TMEM132C: variants seen among roughly 807,000 people sequenced by gnomAD.
TMEM132C encodes the protein transmembrane protein 132C.
Under a neutral mutation model 61.4 loss-of-function variants are expected in TMEM132C, and 29 were observed. That is an observed-to-expected ratio of 0.47 (90% CI 0.35 to 0.64). TMEM132C has a LOEUF of 0.64. Among genes scored for constraint, TMEM132C ranks in the 30% least tolerant of loss-of-function variants. TMEM132C has a pLI of 0.00. For missense variants in TMEM132C, 1,408 were observed against 1,476.9 expected (o/e 0.95, Z 0.76); for synonymous variants, 656 against 633.1 (o/e 1.04, Z -0.54).
intron 3 of TMEM132C, among the ~76,000 whole-genome samples, chr12:128,580,093 G>A (rs1310166749): frequency 6.6e-6 from 1 of 152,112 alleles, no homozygotes; most frequent in South Asian, 2.1e-4. Context: ...GTCAGACAAC[G>A]TAATCTCTCC....
chr12:128,276,696 T>G (rs1592993959), intron 1 of TMEM132C, among the ~76,000 whole-genome samples: 1 of 152,208 alleles, frequency 6.6e-6, no homozygotes. Flanking sequence ...TTATGTTTAC[T>G]TTTGCTGTGT....
At chr12:128,448,920 G>A (rs1438878108) in intron 2 of TMEM132C, among the ~76,000 whole-genome samples, 2 of 151,936 alleles carry the variant, frequency 1.3e-5, no homozygotes, top group East Asian at 3.9e-4. Context: ...GGCGGATCAC[G>A]AGGTCAGGAG....
intron 1 of TMEM132C, among the ~76,000 whole-genome samples, chr12:128,410,433 T>G (rs758691915): frequency 6.6e-6 from 1 of 152,158 alleles, no homozygotes; most frequent in Non-Finnish European, 1.5e-5. Flanking sequence ...AGACAGAGTC[T>G]CACTCTGTCT....
rs143659755 is a variant in TMEM132C, at chr12:128,353,606, G to C, written c.86-61126G>C. Among the ~76,000 whole-genome samples, 105 of 152,266 alleles carry C rather than the reference G, an allele frequency of 6.9e-4. 2 individuals are homozygous for C. Among genetic ancestry groups the C allele is most frequent in the African/African-American group, 2.5e-3 (103 of 41,540 alleles). On this transcript the variant is annotated intron_variant, in intron 1 of 8. Transcript: ENST00000435159. Reference sequence around the variant, plus strand: ...CCTCCCCTCCTGCAGCTTTTTATTGGGGTGTTGCTTCCTCTGAATGGTGTC... The same window carrying C: ...CCTCCCCTCCTGCAGCTTTTTATTGCGGTGTTGCTTCCTCTGAATGGTGTC...
chr12:128,449,100 G>A (rs1198388066), intron 2 of TMEM132C, among the ~76,000 whole-genome samples: 4 of 127,708 alleles, frequency 3.1e-5, no homozygotes, highest in African/African-American at 1.2e-4. Context: ...TCACGCCACT[G>A]TACTCCAGCC....
chr12:128,336,664 A>G (rs1872798783), intron 1 of TMEM132C, among the ~76,000 whole-genome samples: 1 of 152,216 alleles, frequency 6.6e-6, no homozygotes, highest in Non-Finnish European at 1.5e-5. Context: ...TTGGTTAGCC[A>G]TCTGTCTGTC....
intron 5 of TMEM132C, among the ~76,000 whole-genome samples, chr12:128,679,365 C>T (rs1039370863): frequency 2.0e-5 from 3 of 152,224 alleles, no homozygotes; most frequent in African/African-American, 4.8e-5. Context: ...ACAGCAAGCA[C>T]TGGTTTCTCC....
intron 4 of TMEM132C, among the ~76,000 whole-genome samples, chr12:128,658,176 CCACAAGGCAGGAGCAGGGACGCAG>C (rs2135618162): frequency 7.9e-6 from 1 of 126,842 alleles, no homozygotes; most frequent in African/African-American, 3.0e-5. Flanking sequence ...CCCATGGAGG[CCACAAGGCAGGAGCAGGGACGCAG>C]CTCCCATGGA....
chr12:128,267,606 TC>T, intron 1 of TMEM132C, 119 bp downstream of exon 1: 1 of 820,184 alleles, frequency 1.2e-6, no homozygotes, highest in Non-Finnish European at 1.6e-6. Flanking sequence ...GGGGCTCGGA[TC>T]CCATCAACAG....
intron 2 of TMEM132C, among the ~76,000 whole-genome samples, chr12:128,501,644 A>T (rs1013342720): frequency 1.3e-5 from 2 of 152,202 alleles, no homozygotes; most frequent in Non-Finnish European, 2.9e-5. Flanking sequence ...TGGCTTCAAT[A>T]CTTGGAGTTG....
intron 5 of TMEM132C, among the ~76,000 whole-genome samples, chr12:128,692,325 C>A (rs923695432): frequency 6.6e-6 from 1 of 152,230 alleles, no homozygotes; most frequent in Admixed American, 6.5e-5. Flanking sequence ...CACTGAGCTC[C>A]TGCTTCATAA....
intron 1 of TMEM132C, among the ~76,000 whole-genome samples, chr12:128,293,569 G>T (rs1216497226): frequency 6.6e-6 from 1 of 151,980 alleles, no homozygotes; most frequent in Non-Finnish European, 1.5e-5. Context: ...ATTTTATTTT[G>T]CTGGGGGATA....
chr12:128,613,478 A>G (rs1189782211), intron 3 of TMEM132C, among the ~76,000 whole-genome samples: 1 of 152,192 alleles, frequency 6.6e-6, no homozygotes, highest in African/African-American at 2.4e-5. Context: ...CTGGACCAAG[A>G]ACACATCTCT....
chr12:128,387,292 C>T (rs959239740), intron 1 of TMEM132C, among the ~76,000 whole-genome samples: 1 of 152,212 alleles, frequency 6.6e-6, no homozygotes, highest in African/African-American at 2.4e-5. Flanking sequence ...TTACCTCTAG[C>T]AGGGATGCTG....
At chr12:128,656,772 C>G (rs1163933922) in intron 4 of TMEM132C, among the ~76,000 whole-genome samples, 1 of 152,196 alleles carries the variant, frequency 6.6e-6, no homozygotes, top group Non-Finnish European at 1.5e-5. Flanking sequence ...GCAAGGGAGG[C>G]TGAGAAGTTT....
chr12:128,437,518 T>C (rs1869642753), intron 2 of TMEM132C, among the ~76,000 whole-genome samples: 1 of 152,004 alleles, frequency 6.6e-6, no homozygotes. Context: ...GAGTGTTCCA[T>C]GCAGGAAGGA....
At chr12:128,636,395 G>T (rs1332654815) in intron 4 of TMEM132C, among the ~76,000 whole-genome samples, 4 of 152,084 alleles carry the variant, frequency 2.6e-5, no homozygotes, top group Non-Finnish European at 5.9e-5. Flanking sequence ...TATAATTGAT[G>T]TATCAAAAAT....
intron 4 of TMEM132C, among the ~76,000 whole-genome samples, chr12:128,620,584 T>C (rs1168900829): frequency 6.6e-6 from 1 of 152,132 alleles, no homozygotes; most frequent in Admixed American, 6.5e-5. Flanking sequence ...GGCAAAAAAC[T>C]CTAGAGAAGG....
At chr12:128,352,823 C>G (rs751328638) in intron 1 of TMEM132C, among the ~76,000 whole-genome samples, 4 of 152,194 alleles carry the variant, frequency 2.6e-5, no homozygotes, top group Non-Finnish European at 5.9e-5. Context: ...CTCAGGAAGC[C>G]AGGGCCAGGG....
Sources: gnomAD v4.1 joint callset for allele counts (sites outside exome capture counted in the v4.1 genomes callset) on GRCh38, gnomAD v4.1.1 for gene constraint, MANE v1.5 for transcripts, NCBI Gene and HGNC (gene_info 2026-07-23, HGNC 2026-07-21) for gene names.